Variants in PRKN observed in about 807,000 individuals in gnomAD.
PRKN encodes the protein parkin RBR E3 ubiquitin protein ligase, also known as E3 ubiquitin-protein ligase parkin.
A neutral mutation model predicts 59.5 loss-of-function variants in PRKN; 56 were observed. The ratio of observed to expected loss-of-function variants is 0.94; its 90% CI spans 0.76 to 1.18. The LOEUF (loss-of-function observed/expected upper bound fraction) is 1.18. PRKN is among the 50% of genes most tolerant of loss of function. PRKN has a pLI of 0.00. For missense variants in PRKN, 657 were observed against 596.4 expected (o/e 1.10, Z -1.06); for synonymous variants, 250 against 222.1 (o/e 1.13, Z -1.12).
At chr6:162,001,245 TC>T (rs1782043640) in intron 5 of PRKN, among the ~76,000 whole-genome samples, 2 of 152,100 alleles carry the variant, frequency 1.3e-5, no homozygotes, top group Admixed American at 1.3e-4. Context: ...GAATTAACAT[TC>T]TGACAATATT....
rs554095216 is a variant in PRKN, at chr6:162,146,480, C to T, written c.534+54651G>A. On this transcript the variant is annotated intron_variant, in intron 4 of 11. Transcript: ENST00000366898. ...TAGATATACTAAACATATATATATA[C>T]GTATGTATATATACACATTATATAT... is the stretch of plus-strand genomic sequence containing the variant. Among the ~76,000 whole-genome samples, 8 of 148,276 alleles carry T rather than the reference C, an allele frequency of 5.4e-5. No individual in the cohort carries two copies. In the South Asian group the frequency reaches 6.5e-4, roughly 12 times the overall value.
At chr6:162,123,091 C>T (rs575047044) in intron 4 of PRKN, among the ~76,000 whole-genome samples, 4 of 151,790 alleles carry the variant, frequency 2.6e-5, no homozygotes, top group South Asian at 4.2e-4. Context: ...ACGGGGGATA[C>T]TATGTTGCCT....
intron 5 of PRKN, among the ~76,000 whole-genome samples, chr6:162,009,679 T>A (rs1026221750): frequency 2.6e-5 from 4 of 151,886 alleles, no homozygotes; most frequent in African/African-American, 9.7e-5. Context: ...CTCATGCCTG[T>A]AATCCCAGCA....
At position 161,429,732 on chromosome 6, in the gene PRKN, G is replaced by A. The variant is rs1373769413; in HGVS notation, c.1084-42855C>T. Among the ~76,000 whole-genome samples, 3 of 152,074 alleles carry A rather than the reference G, an allele frequency of 2.0e-5. No homozygotes were observed. The highest frequency in any genetic ancestry group is 7.3e-5 in the African/African-American group (3 of 41,372). On this transcript the variant is annotated intron_variant, in intron 9 of 11. Coordinates refer to ENST00000366898, the MANE Select transcript of PRKN (RefSeq NM_004562.3). This position sits in a 1 kb window ranked among gnomAD's most constrained non-coding sequence, Gnocchi z 4.2. Reference sequence around the variant, plus strand: ...AGGGTGAGTTTCAGAGTCATTAATGGGCCTTTTCTTCAGTAATTCAGAATA... The same window carrying A: ...AGGGTGAGTTTCAGAGTCATTAATGAGCCTTTTCTTCAGTAATTCAGAATA...
intron 2 of PRKN, among the ~76,000 whole-genome samples, chr6:162,408,615 T>G (rs6455823): frequency 0.43 from 64,824 of 151,882 alleles, 14,577 homozygotes; most frequent in East Asian, 0.7. Context: ...GAGAAATAAG[T>G]TCTTGTGGAA....
intron 7 of PRKN, among the ~76,000 whole-genome samples, chr6:161,722,281 T>C (rs953494199): frequency 2.0e-5 from 3 of 152,212 alleles, no homozygotes; most frequent in African/African-American, 7.2e-5. Flanking sequence ...TGTGCATTGA[T>C]TTTTACGTAA....
intron 1 of PRKN, among the ~76,000 whole-genome samples, chr6:162,584,239 CA>C (rs55866145): frequency 6.9e-4 from 81 of 118,128 alleles, no homozygotes; most frequent in African/African-American, 2.5e-3. Flanking sequence ...AAACAAAAAA[CA>C]AAAAACAAAA....
intron 4 of PRKN, among the ~76,000 whole-genome samples, chr6:162,198,039 A>G (rs1403118862): frequency 3.9e-5 from 6 of 152,186 alleles, no homozygotes; most frequent in Non-Finnish European, 7.3e-5. Context: ...TGATACCTGC[A>G]ATACTGGAGT....
intron 6 of PRKN, among the ~76,000 whole-genome samples, chr6:161,861,603 A>AC (rs201398915): frequency 0.022 from 2,394 of 110,438 alleles, 61 homozygotes; most frequent in African/African-American, 0.076. Context: ...TTTTTTTAAA[A>AC]AGTATAAACA....
At chr6:162,436,562 G>A (rs2128165020) in intron 2 of PRKN, among the ~76,000 whole-genome samples, 1 of 151,920 alleles carries the variant, frequency 6.6e-6, no homozygotes, top group South Asian at 2.1e-4. Context: ...TGCCTGTCTT[G>A]GCCTCCCAAA....
chr6:162,662,111 T>A (rs993881832), intron 1 of PRKN, among the ~76,000 whole-genome samples: 3 of 152,136 alleles, frequency 2.0e-5, no homozygotes, highest in Non-Finnish European at 2.9e-5. Flanking sequence ...TTTAATAATT[T>A]CTTTCCCTTT....
chr6:161,943,863 A>AGCCTGAGGGATCG (rs1180976936), intron 6 of PRKN, among the ~76,000 whole-genome samples: 1 of 148,482 alleles, frequency 6.7e-6, no homozygotes, highest in African/African-American at 2.5e-5. Context: ...CTGAGGAAGC[A>AGCCTGAGGGATCG]GCCTGAGGAA....
rs1340798738 is a variant in PRKN, at chr6:162,054,186, A to G, written c.535-12T>C. 1 of 1,542,770 alleles carries G rather than the reference A, an allele frequency of 6.5e-7. No individual in the cohort carries two copies. Among genetic ancestry groups the G allele is most frequent in the Non-Finnish European group, 9.0e-7 (1 of 1,115,168 alleles). The stretch of plus-strand genomic sequence containing the variant: ...CAGCAAGATGGACCCTTTGGGAAAA[A>G]ACAACAATATATGCTTATATGAGTT... On this transcript the variant is annotated splice_polypyrimidine_tract_variant and intron_variant, in intron 4 of 11. Transcript: ENST00000366898.
At chr6:161,868,559 T>C (rs1283202488) in intron 6 of PRKN, among the ~76,000 whole-genome samples, 1 of 152,006 alleles carries the variant, frequency 6.6e-6, no homozygotes, top group Non-Finnish European at 1.5e-5. Flanking sequence ...CCAACCTAGG[T>C]GAGAGAGTGA....
At chr6:162,103,509 C>A (rs1336685916) in intron 4 of PRKN, among the ~76,000 whole-genome samples, 1 of 151,700 alleles carries the variant, frequency 6.6e-6, no homozygotes, top group Admixed American at 6.6e-5. Flanking sequence ...CAGAAAAGAA[C>A]AACAGAGTAA....
chr6:162,292,956 G>A (rs967991885), intron 2 of PRKN, among the ~76,000 whole-genome samples: 9 of 152,128 alleles, frequency 5.9e-5, no homozygotes, highest in Admixed American at 1.3e-4. Context: ...TGGTCGCTGG[G>A]GACCCAAGGG....
At chr6:162,568,752 A>T (rs1780190920) in intron 1 of PRKN, 4 of 748,106 alleles carry the variant, frequency 5.3e-6, no homozygotes, top group Admixed American at 1.7e-5. Context: ...CAACAACCCT[A>T]GGGGGCAGCC....
rs1780064520 is a variant in PRKN at position 161,552,496 on chromosome 6, A to AG, written c.934-3494dup. Among the ~76,000 whole-genome samples the AG allele has an allele frequency of 6.6e-6, 1 of 151,294 alleles. No homozygotes were observed. The highest frequency in any genetic ancestry group is 1.5e-5 in the Non-Finnish European group (1 of 67,914). On this transcript the variant is annotated intron_variant, in intron 8 of 11. Coordinates refer to ENST00000366898, the MANE Select transcript of PRKN (RefSeq NM_004562.3). The surrounding 1 kb of genome is among the most constrained non-coding windows in gnomAD (Gnocchi z 4.9). ...TGAATGATCTCACGGTGATCCTCCA[A>AG]GCCCCTCTCCCTCAGCTCTGCATCA...
At chr6:162,030,902 C>T (rs1783611067) in intron 5 of PRKN, among the ~76,000 whole-genome samples, 2 of 152,166 alleles carry the variant, frequency 1.3e-5, no homozygotes, top group Non-Finnish European at 1.5e-5. Flanking sequence ...ATTACCTCTC[C>T]TCAGCTCACT....
Sources: gnomAD v4.1 joint callset for allele counts (sites outside exome capture counted in the v4.1 genomes callset) on GRCh38, gnomAD v4.1.1 for gene constraint, Gnocchi (gnomAD v3.1) non-coding constraint, MANE v1.5 for transcripts, NCBI Gene and HGNC (gene_info 2026-07-23, HGNC 2026-07-21) for gene names.